The following ZNF787 variants were observed in gnomAD, a reference collection of about 807,000 sequenced individuals.
ZNF787 encodes the protein zinc finger protein 787.
A neutral mutation model predicts 16.9 loss-of-function variants in ZNF787; 7 were observed. The observed-to-expected ratio is 0.42, with a 90% CI of 0.24 to 0.78. The LOEUF (loss-of-function observed/expected upper bound fraction) is 0.78, where lower values mean the gene tolerates loss of function less well. Among genes scored for constraint, ZNF787 ranks in the 30% least tolerant of loss-of-function variants. ZNF787 has a pLI of 0.30. For synonymous variants in ZNF787, 345 were observed against 270.9 expected (o/e 1.27, Z -2.69); for missense variants, 551 against 589.3 (o/e 0.94, Z 0.67).
intron 2 of ZNF787, among the ~76,000 whole-genome samples, chr19:56,095,647 C>T (rs532390577): frequency 6.6e-6 from 1 of 152,298 alleles, no homozygotes; most frequent in Non-Finnish European, 1.5e-5. Flanking sequence ...GGGCCCTGCT[C>T]GATTCTGATT....
At chr19:56,119,733 G>A (rs1335583488) in intron 1 of ZNF787, among the ~76,000 whole-genome samples, 1 of 152,260 alleles carries the variant, frequency 6.6e-6, no homozygotes, top group South Asian at 2.1e-4. Flanking sequence ...GGATGGATAA[G>A]ACATGAGATA....
chr19:56,110,765 T>C (rs977371944), intron 1 of ZNF787, among the ~76,000 whole-genome samples: 1 of 152,352 alleles, frequency 6.6e-6, no homozygotes, highest in Non-Finnish European at 1.5e-5. Context: ...GACCAGGCTA[T>C]GGATGGGGGA....
chr19:56,094,952 A>G (rs1366609777), intron 2 of ZNF787, among the ~76,000 whole-genome samples: 1 of 152,130 alleles, frequency 6.6e-6, no homozygotes, highest in Non-Finnish European at 1.5e-5. Flanking sequence ...CTTAACTTAA[A>G]AAAATACAAA....
At chr19:56,091,873 G>C (rs1337692788) in intron 2 of ZNF787, among the ~76,000 whole-genome samples, 1 of 152,128 alleles carries the variant, frequency 6.6e-6, no homozygotes, top group Non-Finnish European at 1.5e-5. Flanking sequence ...CACCGCGCAT[G>C]GGCCAAGATG....
intron 1 of ZNF787, among the ~76,000 whole-genome samples, chr19:56,113,457 T>C (rs1295992130): frequency 1.3e-5 from 2 of 152,168 alleles, no homozygotes; most frequent in African/African-American, 2.4e-5. Context: ...AGCCGAAATG[T>C]AGAGACAACC....
intron 1 of ZNF787, among the ~76,000 whole-genome samples, chr19:56,111,913 G>A (rs2040409709): frequency 6.6e-6 from 1 of 152,206 alleles, no homozygotes; most frequent in African/African-American, 2.4e-5. Context: ...GTGCCTTGCT[G>A]AGCTGTGTGG....
At chr19:56,102,897 AGGT>A in intron 2 of ZNF787, 2 of 703,522 alleles carry the variant, frequency 2.8e-6, no homozygotes, top group Non-Finnish European at 5.2e-6. Context: ...CAGGCAGAGA[AGGT>A]GGCCCCCAGG....
intron 1 of ZNF787, among the ~76,000 whole-genome samples, chr19:56,115,420 G>A (rs1416963533): frequency 4.8e-5 from 7 of 146,506 alleles, no homozygotes; most frequent in Non-Finnish European, 8.9e-5. Flanking sequence ...GTGCAGTGGC[G>A]CGATCTCGGC....
Position 56,087,984 on chromosome 19 carries a change from C to A in ZNF787, c.*39G>T, listed in dbSNP as rs1353788098. 1.3e-5 allele frequency: 17 copies of A among 1,297,990 alleles called. No individual in the cohort carries two copies. The highest frequency in any genetic ancestry group is 1.5e-5 in the Non-Finnish European group (15 of 1,027,322). The allele number at this position is 1,297,990 out of a possible 1,614,324, so 80.4% of individuals were successfully genotyped here. On this transcript the variant is annotated 3_prime_UTR_variant, in exon 3 of 3. Coordinates refer to ENST00000610935, the MANE Select transcript of ZNF787 (RefSeq NM_001002836.4). Reference sequence around the variant, plus strand: ...TTGCACGTCGTCGCTCCCGCCAAGCCCGAGGGGCCCTGCCCGCCCCCCCCC... The same window carrying A: ...TTGCACGTCGTCGCTCCCGCCAAGCACGAGGGGCCCTGCCCGCCCCCCCCC...
intron 2 of ZNF787, among the ~76,000 whole-genome samples, chr19:56,098,023 G>A (rs564779690): frequency 1.3e-5 from 2 of 152,264 alleles, no homozygotes; most frequent in African/African-American, 4.8e-5. Flanking sequence ...GTCAGCACCC[G>A]AGGCCCCACC....
chr19:56,103,023 C>G, intron 2 of ZNF787, 116 bp downstream of exon 2: 1 of 1,199,786 alleles, frequency 8.3e-7, no homozygotes, highest in Non-Finnish European at 1.2e-6. Flanking sequence ...TCGGGTGGTC[C>G]CAGGGCCCCA....
chr19:56,099,665 C>T (rs1339753184), intron 2 of ZNF787, among the ~76,000 whole-genome samples: 2 of 144,044 alleles, frequency 1.4e-5, no homozygotes, highest in Admixed American at 7.0e-5. Flanking sequence ...GAGCCGAGAT[C>T]GTACCACTGC....
At chr19:56,115,247 G>C (rs1384433928) in intron 1 of ZNF787, among the ~76,000 whole-genome samples, 1 of 152,006 alleles carries the variant, frequency 6.6e-6, no homozygotes, top group Non-Finnish European at 1.5e-5. Flanking sequence ...CTAGAGCACA[G>C]CCTGCACGTC....
chr19:56,089,533 C>CACCT (rs947288156), intron 2 of ZNF787, among the ~76,000 whole-genome samples: 38 of 152,192 alleles, frequency 2.5e-4, no homozygotes, highest in Non-Finnish European at 4.7e-4. Context: ...CAGCCCTGGA[C>CACCT]ACCTGGTCCT....
chr19:56,101,162 G>A (rs888359490), intron 2 of ZNF787, among the ~76,000 whole-genome samples: 1 of 149,352 alleles, frequency 6.7e-6, no homozygotes, highest in African/African-American at 2.5e-5. Flanking sequence ...CACACGCCAT[G>A]GCCAGGCCAA....
At chr19:56,112,107 A>AGGTG (rs1245485254) in intron 1 of ZNF787, among the ~76,000 whole-genome samples, 2 of 152,112 alleles carry the variant, frequency 1.3e-5, no homozygotes, top group African/African-American at 4.8e-5. Flanking sequence ...TCACCCGCAG[A>AGGTG]GGTGAACGAT....
intron 1 of ZNF787, among the ~76,000 whole-genome samples, chr19:56,110,071 G>A (rs2631640): frequency 0.92 from 139,365 of 152,216 alleles, 64,470 homozygotes; most frequent in Non-Finnish European, 0.99. Context: ...TTTTAAAAAA[G>A]CAAATGTTGG....
Position 56,087,618 on chromosome 19 carries a change from C to T in ZNF787, c.*405G>A, listed in dbSNP as rs1344691486. The T allele has an allele frequency of 6.1e-6, 1 of 164,358 alleles. No homozygotes were observed. Among genetic ancestry groups the T allele is most frequent in the Non-Finnish European group, 1.3e-5 (1 of 76,384 alleles). 10.2% of individuals were successfully genotyped at this position (164,358 alleles called of 1,614,324 possible). On this transcript the variant is annotated 3_prime_UTR_variant, in exon 3 of 3. Transcript: ENST00000610935. The stretch of plus-strand genomic sequence containing the variant: ...AGAAAAGGGCCCCTGGTTCTCTTCC[C>T]TCTCTGGGATCCTCTAAAGGGCCTG...
At chr19:56,111,143 T>C (rs1332168764) in intron 1 of ZNF787, among the ~76,000 whole-genome samples, 1 of 152,222 alleles carries the variant, frequency 6.6e-6, no homozygotes, top group Non-Finnish European at 1.5e-5. Flanking sequence ...GAGAGTCTGC[T>C]GACCCTGATG....
Sources: gnomAD v4.1 joint callset for allele counts (sites outside exome capture counted in the v4.1 genomes callset) on GRCh38, gnomAD v4.1.1 for gene constraint, MANE v1.5 for transcripts, NCBI Gene and HGNC (gene_info 2026-07-23, HGNC 2026-07-21) for gene names.